Variants in LRRC4C observed in about 807,000 individuals in gnomAD.
LRRC4C encodes leucine-rich repeat-containing protein 4C.
Under a neutral mutation model 33.6 loss-of-function variants are expected in LRRC4C, and 5 were observed. The ratio of observed to expected loss-of-function variants is 0.15; its 90% CI spans 0.08 to 0.31. The LOEUF is 0.31. Among genes scored for constraint, LRRC4C ranks in the 10% least tolerant of loss-of-function variants. LRRC4C has a pLI of 1.00. For missense variants in LRRC4C, 560 were observed against 796.7 expected, an observed-to-expected ratio of 0.70 and a Z score of 3.58; for synonymous variants, 329 against 302.0, an observed-to-expected ratio of 1.09 and a Z score of -0.93.
chr11:40,712,599 A>G (rs1946522150), intron 2 of LRRC4C, among the ~76,000 whole-genome samples: 1 of 152,190 alleles, frequency 6.6e-6, no homozygotes, highest in Non-Finnish European at 1.5e-5. Flanking sequence ...TTAATATATT[A>G]ACATTAATAT....
chr11:41,380,957 G>T (rs1296013754), intron 1 of LRRC4C, among the ~76,000 whole-genome samples: 1 of 152,082 alleles, frequency 6.6e-6, no homozygotes, highest in East Asian at 1.9e-4. Flanking sequence ...AAGTGAAGAA[G>T]AAAAATGTCT....
chr11:40,779,063 T>C (rs1306120696), intron 2 of LRRC4C, among the ~76,000 whole-genome samples: 1 of 152,034 alleles, frequency 6.6e-6, no homozygotes, highest in East Asian at 1.9e-4. Context: ...ACGAGTTAAG[T>C]GATTAGTGTA....
chr11:41,050,416 G>GT (rs2138112280), intron 1 of LRRC4C, among the ~76,000 whole-genome samples: 1 of 152,210 alleles, frequency 6.6e-6, no homozygotes, highest in East Asian at 1.9e-4. Flanking sequence ...CATGCATTAA[G>GT]TATTTGTCCT....
chr11:41,365,490 T>C lies in LRRC4C; in HGVS notation c.-496+93941A>G, dbSNP rs568970979. 5.9e-5 allele frequency among the ~76,000 whole-genome samples: 9 copies of C among 152,288 alleles called. No homozygotes were observed. The South Asian group carries it at 1.9e-3, about 32-fold the overall frequency. ...CCACCCCTAGTCCATGGAAAACTTG[T>C]CTTCCATGAAACTGAGCCCTGGTGC... On this transcript the variant is annotated intron_variant, in intron 1 of 6. Coordinates refer to ENST00000528697, the MANE Select transcript of LRRC4C (RefSeq NM_001258419.2).
At chr11:41,142,938 G>A (rs1037306520) in intron 1 of LRRC4C, among the ~76,000 whole-genome samples, 4 of 152,140 alleles carry the variant, frequency 2.6e-5, no homozygotes, top group Non-Finnish European at 5.9e-5. Flanking sequence ...ACCAAGAAAT[G>A]CATGCTGATT....
In LRRC4C at chr11:40,679,289, C is replaced by A. The variant is rs1263267522; in HGVS notation, c.-406-31011G>T. 2.0e-5 allele frequency among the ~76,000 whole-genome samples: 3 copies of A among 151,884 alleles called. No homozygotes were observed. In the East Asian group the frequency reaches 5.8e-4, roughly 29 times the overall value. On this transcript the variant is annotated intron_variant, in intron 2 of 6. Transcript: ENST00000528697. ...CCTTTTTTTTTAAAGGGAAACAGAA[C>A]ATTAAAGTTTGGAAAATTTGCAGCC...
Position 40,114,704 on chromosome 11 carries a change from A to G in LRRC4C, c.1589T>C (p.Ile530Thr), listed in dbSNP as rs1564998552. 4 of 1,614,054 alleles carry G rather than the reference A, an allele frequency of 2.5e-6. No homozygotes were observed. Among genetic ancestry groups the G allele is most frequent in the African/African-American group, 1.3e-5 (1 of 74,898 alleles). The stretch of plus-strand genomic sequence containing the variant: ...GAGTGTGATGGCCACAAAACACCCA[A>G]TGATGATTTTGGTAGTCTTCATGAC... ...DEVMKTTKII[I>T]GCFVAITLMA... Residue 530 changes from isoleucine to threonine, a missense_variant, in exon 7 of 7, where the codon ATT becomes ACT. By Grantham distance (89) the Ile-to-Thr change is moderately conservative. This residue lies in a region of LRRC4C where 2 missense variants were observed against 20.8 expected (regional missense o/e 0.10). Transcript: ENST00000528697.
At chr11:41,301,404 G>A (rs1950284589) in intron 1 of LRRC4C, among the ~76,000 whole-genome samples, 1 of 151,972 alleles carries the variant, frequency 6.6e-6, no homozygotes, top group Non-Finnish European at 1.5e-5. Flanking sequence ...TGATGGGGGT[G>A]GGAAAAACCT....
intron 1 of LRRC4C, among the ~76,000 whole-genome samples, chr11:41,176,778 C>T (rs991699544): frequency 4.0e-5 from 6 of 151,888 alleles, no homozygotes; most frequent in South Asian, 2.1e-4. Flanking sequence ...GCCTGGGCAA[C>T]GTGGTGAAAC....
intron 1 of LRRC4C, among the ~76,000 whole-genome samples, chr11:41,218,227 A>T (rs1046408213): frequency 1.3e-5 from 2 of 152,182 alleles, no homozygotes; most frequent in African/African-American, 4.8e-5. Context: ...GACAGTCAAT[A>T]AATATCCACT....
intron 5 of LRRC4C, among the ~76,000 whole-genome samples, chr11:40,206,839 T>C (rs1019593132): frequency 6.6e-6 from 1 of 152,140 alleles, no homozygotes; most frequent in African/African-American, 2.4e-5. Flanking sequence ...TTTTTGTTCT[T>C]AACAGATAGA....
intron 3 of LRRC4C, among the ~76,000 whole-genome samples, chr11:40,371,574 T>C (rs988121437): frequency 6.6e-6 from 1 of 152,236 alleles, no homozygotes; most frequent in Non-Finnish European, 1.5e-5. Flanking sequence ...TTAAAGGCTC[T>C]TGAGCATTTT....
chr11:40,879,574 G>A (rs565402499), intron 2 of LRRC4C, among the ~76,000 whole-genome samples: 21 of 152,060 alleles, frequency 1.4e-4, no homozygotes, highest in East Asian at 7.7e-4. Flanking sequence ...AAACAAGTAC[G>A]TACTAAAATT....
intron 1 of LRRC4C, among the ~76,000 whole-genome samples, chr11:40,980,101 C>T (rs1031722414): frequency 6.6e-6 from 1 of 152,180 alleles, no homozygotes; most frequent in Non-Finnish European, 1.5e-5. Flanking sequence ...CAAAGCCATT[C>T]ATTCAAGCTA....
intron 3 of LRRC4C, among the ~76,000 whole-genome samples, chr11:40,551,640 G>A (rs943260116): frequency 3.9e-5 from 6 of 151,992 alleles, no homozygotes; most frequent in Non-Finnish European, 8.8e-5. Flanking sequence ...TTTTCCATAT[G>A]GCTTCTCACA....
intron 1 of LRRC4C, among the ~76,000 whole-genome samples, chr11:41,082,454 GCT>G (rs2135491567): frequency 7.4e-6 from 1 of 134,734 alleles, no homozygotes; most frequent in Non-Finnish European, 1.6e-5. Flanking sequence ...TTTTTCTGGA[GCT>G]GGTGAAATCT....
rs1475783118 is a variant in LRRC4C, at chr11:40,857,452, G to C, written c.-407+76183C>G. On this transcript the variant is annotated intron_variant, in intron 2 of 6. Coordinates refer to ENST00000528697, the MANE Select transcript of LRRC4C (RefSeq NM_001258419.2). ...TTACAAATGAGAGCATGTGGTGTTT[G>C]GTTTTCTGTTCCTGGAACCACACAC... Among the ~76,000 whole-genome samples the C allele has an allele frequency of 2.0e-5, 3 of 151,996 alleles. No individual in the cohort carries two copies. In the East Asian group the frequency reaches 5.8e-4, roughly 29 times the overall value.
chr11:40,858,600 G>A (rs532547257), intron 2 of LRRC4C, among the ~76,000 whole-genome samples: 13 of 150,754 alleles, frequency 8.6e-5, no homozygotes, highest in East Asian at 2.0e-4. Flanking sequence ...TGGCTGAGGC[G>A]GGAGAATTGC....
At chr11:40,483,060 G>C (rs573312932) in intron 3 of LRRC4C, among the ~76,000 whole-genome samples, 14 of 152,122 alleles carry the variant, frequency 9.2e-5, no homozygotes, top group Non-Finnish European at 1.8e-4. Context: ...CCTTGACTTT[G>C]TACACAGCCA....
Sources: gnomAD v4.1 joint callset for allele counts (sites outside exome capture counted in the v4.1 genomes callset) on GRCh38, gnomAD v4.1.1 for gene constraint, gnomAD v4.1.1 regional missense constraint, MANE v1.5 for transcripts, NCBI Gene and HGNC (gene_info 2026-07-23, HGNC 2026-07-21) for gene names.